The following HMGCS2 variants were observed in gnomAD, a reference collection of about 807,000 sequenced individuals.
The protein encoded by HMGCS2 is hydroxymethylglutaryl-CoA synthase, mitochondrial.
A neutral mutation model predicts 57.4 loss-of-function variants in HMGCS2; 50 were observed. The observed-to-expected ratio is 0.87, with a 90% CI of 0.69 to 1.10. The LOEUF is 1.10. Ranked by LOEUF, HMGCS2 falls within the 50% of genes least tolerant of loss-of-function variation. The probability of loss-of-function intolerance (pLI) is 0.00; values close to 1 mark genes in which losing one functional copy is unlikely to be tolerated. For synonymous variants in HMGCS2, 254 were observed against 245.1 expected (o/e 1.04, Z -0.34); for missense variants, 627 against 636.5 (o/e 0.99, Z 0.16).
intron 5 of HMGCS2, 106 bp downstream of exon 5, chr1:119,757,167 C>CA: frequency 6.3e-7 from 1 of 1,577,386 alleles, no homozygotes; most frequent in Non-Finnish European, 8.7e-7. Context: ...GGAGGATTGC[C>CA]ATTTGTCCCC....
Position 119,757,453 on chromosome 1 carries a change from G to A in HMGCS2, c.851-15C>T, listed in dbSNP as rs192946286. On this transcript the variant is annotated splice_polypyrimidine_tract_variant and intron_variant, in intron 4 of 9. Transcript: ENST00000369406. ...ATCGCTGCCAGCTGGAAGAGGAAGC[G>A]TGAAGGCAAGGATGGGGCATGAGGG... 61 of 1,614,076 alleles carry A rather than the reference G, an allele frequency of 3.8e-5. No individual in the cohort carries two copies. Among genetic ancestry groups the A allele is most frequent in the East Asian group, 8.9e-5 (4 of 44,888 alleles).
rs184430822 is a variant in HMGCS2 at position 119,757,865 on chromosome 1, C to T, written c.851-427G>A. 1.6e-3 allele frequency among the ~76,000 whole-genome samples: 241 copies of T among 152,328 alleles called. 1 individual carries two copies. The highest frequency in any genetic ancestry group is 5.5e-3 in the African/African-American group (229 of 41,578). The stretch of plus-strand genomic sequence containing the variant: ...AGAAGAGGGCAATGCAATCTCTGCC[C>T]TTAGGAAATATTACATTTTAGTGCT... On this transcript the variant is annotated intron_variant, in intron 4 of 9. Transcript: ENST00000369406.
rs147519296 is a variant in HMGCS2, at chr1:119,750,959, T to G, written c.1421-51A>C. On this transcript the variant is annotated intron_variant, in intron 8 of 9. Transcript: ENST00000369406. ...ACTCACAAAGAGTTATATGAGTTTTTGGAAGAGAAAATAGTAATGAAGATG... is the reference window on the plus strand; with the variant it reads ...ACTCACAAAGAGTTATATGAGTTTTGGGAAGAGAAAATAGTAATGAAGATG... 6.0e-4 allele frequency: 682 copies of G among 1,137,576 alleles called. 4 individuals are homozygous for G. In the African/African-American group the frequency reaches 9.0e-3, roughly 15 times the overall value. 70.5% of individuals were successfully genotyped at this position (1,137,576 alleles called of 1,614,324 possible). A position where few individuals can be genotyped will look rare whatever the true frequency, so the allele number is the denominator to read the frequency against.
At chr1:119,761,420 T>C (rs1458541216) in intron 2 of HMGCS2, among the ~76,000 whole-genome samples, 1 of 152,024 alleles carries the variant, frequency 6.6e-6, no homozygotes. Flanking sequence ...GTATTTACAA[T>C]ACTTACAATC....
chr1:119,763,850 G>T (rs587629720), intron 2 of HMGCS2, among the ~76,000 whole-genome samples: 7 of 152,300 alleles, frequency 4.6e-5, no homozygotes, highest in Middle Eastern at 3.4e-3. Flanking sequence ...TAGGAAATAT[G>T]TCAGATGTGG....
intron 8 of HMGCS2, among the ~76,000 whole-genome samples, chr1:119,752,180 C>T (rs1379090659): frequency 6.6e-6 from 1 of 152,166 alleles, no homozygotes; most frequent in Non-Finnish European, 1.5e-5. Flanking sequence ...CAAAGATAAA[C>T]AGCTAGTGAG....
Position 119,757,322 on chromosome 1 carries a change from C to T in HMGCS2, c.967G>A (p.Ala323Thr), listed in dbSNP as rs371906223. The change falls in exon 5 of 10, where the codon GCC becomes ACC. Residue 323 changes from alanine (A) to threonine (T), a missense_variant. Physicochemically the swap from Ala to Thr is moderately conservative, Grantham distance 58. Transcript: ENST00000369406. The stretch of plus-strand genomic sequence containing the variant: ...AAGCTGGTTTGTGTGTCACTGCTGG[C>T]TGACAGGAAGTCATTGAACATCAGG... The part of the protein sequence containing the change: ...ARLMFNDFLS[A>T]SSDTQTSLYK... The T allele has an allele frequency of 1.1e-5, 17 of 1,614,224 alleles. No individual in the cohort carries two copies. The highest frequency in any genetic ancestry group is 1.4e-5 in the Non-Finnish European group (17 of 1,180,040).
chr1:119,759,894 C>T lies in HMGCS2; in HGVS notation c.655G>A (p.Gly219Arg). 6.2e-7 allele frequency: 1 copy of T among 1,614,178 alleles called. No homozygotes were observed. Among genetic ancestry groups the T allele is most frequent in the Non-Finnish European group, 8.5e-7 (1 of 1,180,020 alleles). ...GGAGAVAMLI[G>R]PKAPLALERG... is the part of the protein sequence containing the mutation. ...TCCAGGGCCAGAGGGGCCTTGGGCC[C>T]AATCAGCATAGCCACAGCTCCGGCC... Residue 219 changes from glycine (G) to arginine (R), a missense_variant, in exon 3 of 10, where the codon GGG becomes AGG. Transcript: ENST00000369406.
intron 3 of HMGCS2, among the ~76,000 whole-genome samples, 173 bp downstream of exon 3, chr1:119,759,691 C>T (rs1042823960): frequency 1.3e-5 from 2 of 152,234 alleles, no homozygotes; most frequent in African/African-American, 2.4e-5. Flanking sequence ...GGATTCCCCT[C>T]TCCCATTTCT....
chr1:119,764,099 G>T, intron 2 of HMGCS2, 73 bp downstream of exon 2: 1 of 1,430,278 alleles, frequency 7.0e-7, no homozygotes, highest in Non-Finnish European at 9.8e-7. Flanking sequence ...CTGGGGAACT[G>T]AAAAGCAAAA....
intron 2 of HMGCS2, among the ~76,000 whole-genome samples, chr1:119,761,073 ATG>A (rs996722836): frequency 1.3e-4 from 20 of 149,710 alleles, no homozygotes; most frequent in African/African-American, 3.4e-4. Flanking sequence ...TGCTATGTGC[ATG>A]TGTGTGTGTG....
Position 119,748,103 on chromosome 1 carries a change from A to G in HMGCS2, c.*744T>C, listed in dbSNP as rs1681433017. 2 of 152,370 alleles carry G rather than the reference A, an allele frequency of 1.3e-5. No homozygotes were observed. The highest frequency in any genetic ancestry group is 4.1e-4 in the South Asian group (2 of 4,828). 9.4% of individuals were successfully genotyped at this position (152,370 alleles called of 1,614,324 possible). A position where few individuals can be genotyped will look rare whatever the true frequency, so the allele number is the denominator to read the frequency against. ...ACAGCGGCAAGGAATGACCAAGAAG[A>G]TCTGAACTACAGCTCCTGCTGGCCC... is the stretch of plus-strand genomic sequence containing the variant. On this transcript the variant is annotated 3_prime_UTR_variant, in exon 10 of 10. Transcript: ENST00000369406.
intron 6 of HMGCS2, among the ~76,000 whole-genome samples, chr1:119,754,686 G>A (rs920365221): frequency 6.6e-6 from 1 of 152,166 alleles, no homozygotes; most frequent in Admixed American, 6.5e-5. Context: ...GGAAGGTGAG[G>A]TGCATTGAGG....
chr1:119,753,695 C>G (rs1039346440), intron 6 of HMGCS2, among the ~76,000 whole-genome samples: 1 of 152,118 alleles, frequency 6.6e-6, no homozygotes, highest in African/African-American at 2.4e-5. Context: ...AGCTTCTCCC[C>G]TCTCATGAGG....
At chr1:119,758,520 G>A (rs1652927434) in intron 4 of HMGCS2, among the ~76,000 whole-genome samples, 2 of 152,176 alleles carry the variant, frequency 1.3e-5, no homozygotes, top group Non-Finnish European at 2.9e-5. Context: ...TTACAGGCGT[G>A]AGCCACCACT....
At position 119,764,177 on chromosome 1, in the gene HMGCS2, C is replaced by T; in HGVS notation, c.554G>A (p.Trp185Ter). ...NAANWMESSS[W>*]DGRYAMVVCG... ...AGGTTCGTGGCCGTACATACCATCC[C>T]AGGAACTGGACTCCATCCAGTTGGC... The change falls in exon 2 of 10, where the codon TGG (tryptophan) becomes TAG (stop). Residue 185 changes from tryptophan (W) to a stop codon, truncating the protein, a stop_gained. Transcript: ENST00000369406. LOFTEE classifies it high-confidence loss of function. 1 of 1,612,954 alleles carries T rather than the reference C, an allele frequency of 6.2e-7. No homozygotes were observed. The highest frequency in any genetic ancestry group is 8.5e-7 in the Non-Finnish European group (1 of 1,179,804).
chr1:119,749,759 C>A (rs1215270889), intron 9 of HMGCS2, among the ~76,000 whole-genome samples: 2 of 152,146 alleles, frequency 1.3e-5, no homozygotes, highest in African/African-American at 4.8e-5. Flanking sequence ...CCTTCCCTTC[C>A]TCTGCTCCTT....
chr1:119,750,549 T>G (rs778079723), intron 9 of HMGCS2, among the ~76,000 whole-genome samples: 2 of 152,212 alleles, frequency 1.3e-5, no homozygotes, highest in Non-Finnish European at 2.9e-5. Flanking sequence ...TCCCCACTTC[T>G]GATTAGTTTG....
intron 4 of HMGCS2, among the ~76,000 whole-genome samples, chr1:119,758,248 T>G (rs2101260359): frequency 6.6e-6 from 1 of 152,400 alleles, no homozygotes; most frequent in South Asian, 2.1e-4. Context: ...TTTATATGTT[T>G]TTAGAGACAG....
Sources: gnomAD v4.1 joint callset for allele counts (sites outside exome capture counted in the v4.1 genomes callset) on GRCh38, gnomAD v4.1.1 for gene constraint, MANE v1.5 for transcripts, NCBI Gene and HGNC (gene_info 2026-07-23, HGNC 2026-07-21) for gene names.